Variants in RASGRF2 observed in about 807,000 individuals in gnomAD.
The protein encoded by RASGRF2 is Ras protein specific guanine nucleotide releasing factor 2.
A neutral mutation model predicts 151.0 loss-of-function variants in RASGRF2; 76 were observed. The observed-to-expected ratio is 0.50, with a 90% CI of 0.42 to 0.61. The LOEUF (loss-of-function observed/expected upper bound fraction) is 0.61. RASGRF2 is among the 20% of genes least tolerant of loss of function. The probability of loss-of-function intolerance (pLI) is 0.00; values close to 1 mark genes in which losing one functional copy is unlikely to be tolerated. For missense variants in RASGRF2, 1,148 were observed against 1,564.6 expected, an observed-to-expected ratio of 0.73 and a Z score of 4.49; for synonymous variants, 504 against 566.5, an observed-to-expected ratio of 0.89 and a Z score of 1.57.
At chr5:81,071,706 TA>T (rs917418255) in intron 4 of RASGRF2, among the ~76,000 whole-genome samples, 1 of 151,942 alleles carries the variant, frequency 6.6e-6, no homozygotes, top group Admixed American at 6.6e-5. Context: ...TTAGTTTTTT[TA>T]AAAAAAATCC....
intron 1 of RASGRF2, among the ~76,000 whole-genome samples, chr5:80,980,457 C>T (rs1213830000): frequency 7.2e-5 from 11 of 152,092 alleles, no homozygotes; most frequent in Non-Finnish European, 1.3e-4. Flanking sequence ...CTGGCCAACA[C>T]GGTGAAACCC....
intron 17 of RASGRF2, among the ~76,000 whole-genome samples, chr5:81,134,653 A>G (rs1753711134): frequency 6.6e-6 from 1 of 152,218 alleles, no homozygotes; most frequent in South Asian, 2.1e-4. Context: ...GTGAACTAGT[A>G]TAATGTCTGA....
intron 26 of RASGRF2, chr5:81,223,530 A>C (rs1384298312): frequency 6.6e-6 from 1 of 152,298 alleles, no homozygotes; most frequent in Non-Finnish European, 1.5e-5. Context: ...AGACCCAGCT[A>C]CTTGGGAGGC....
chr5:81,169,667 A>G lies in RASGRF2; in HGVS notation c.2687-10508A>G, dbSNP rs538443985. Among the ~76,000 whole-genome samples the G allele has an allele frequency of 2.0e-5, 3 of 152,340 alleles. No homozygotes were observed. In the East Asian group the frequency reaches 5.8e-4, roughly 29 times the overall value. ...ATAAAGTAACCTTCACAGGTTCTGCATGGATGTGGATTTGGGGAGAATACT... is the reference window on the plus strand; with the variant it reads ...ATAAAGTAACCTTCACAGGTTCTGCGTGGATGTGGATTTGGGGAGAATACT... On this transcript the variant is annotated intron_variant, in intron 17 of 26. Coordinates refer to ENST00000265080, the MANE Select transcript of RASGRF2 (RefSeq NM_006909.3).
intron 1 of RASGRF2, among the ~76,000 whole-genome samples, chr5:81,019,860 G>T (rs899227299): frequency 9.9e-5 from 15 of 152,270 alleles, no homozygotes; most frequent in African/African-American, 3.4e-4. Flanking sequence ...TGTTATAAAT[G>T]ATTCAAATGA....
chr5:81,148,988 T>C (rs1425814667), intron 17 of RASGRF2, among the ~76,000 whole-genome samples: 2 of 152,006 alleles, frequency 1.3e-5, no homozygotes, highest in Non-Finnish European at 2.9e-5. Flanking sequence ...TGGCCATAAT[T>C]TAAAAATTAA....
chr5:81,157,354 TA>T (rs559651337), intron 17 of RASGRF2, among the ~76,000 whole-genome samples: 4,260 of 108,130 alleles, frequency 0.039, 154 homozygotes, highest in African/African-American at 0.12. Context: ...AGAGTCTGTC[TA>T]AAAAAAAAAA....
At chr5:81,116,837 G>T (rs898430682) in intron 15 of RASGRF2, among the ~76,000 whole-genome samples, 8 of 152,090 alleles carry the variant, frequency 5.3e-5, no homozygotes, top group African/African-American at 1.4e-4. Flanking sequence ...TGTCCTCAAG[G>T]TTCAACCATA....
intron 17 of RASGRF2, among the ~76,000 whole-genome samples, chr5:81,137,670 C>T (rs1002585796): frequency 1.3e-5 from 2 of 152,190 alleles, no homozygotes; most frequent in Non-Finnish European, 2.9e-5. Flanking sequence ...GGCGTGACCA[C>T]GTGAAGACAC....
chr5:81,145,347 G>A (rs1753981504), intron 17 of RASGRF2, among the ~76,000 whole-genome samples: 1 of 152,102 alleles, frequency 6.6e-6, no homozygotes, highest in African/African-American at 2.4e-5. Flanking sequence ...TTGGGTTTCT[G>A]TAGTGCTGCC....
chr5:81,213,344 G>T (rs558326796), intron 23 of RASGRF2, among the ~76,000 whole-genome samples: 2 of 130,824 alleles, frequency 1.5e-5, no homozygotes, highest in East Asian at 3.9e-4. Flanking sequence ...TCTCAGGGGC[G>T]AGGGGGAAAG....
chr5:81,169,339 A>G (rs1469027799), intron 17 of RASGRF2, among the ~76,000 whole-genome samples: 1 of 152,086 alleles, frequency 6.6e-6, no homozygotes, highest in Non-Finnish European at 1.5e-5. Flanking sequence ...AAAAACAACG[A>G]TTTATTTTCT....
At chr5:80,978,997 A>C (rs1748216345) in intron 1 of RASGRF2, among the ~76,000 whole-genome samples, 1 of 152,196 alleles carries the variant, frequency 6.6e-6, no homozygotes, top group Non-Finnish European at 1.5e-5. Flanking sequence ...AGCCTGTTTT[A>C]ATATTGAAAA....
chr5:81,116,599 T>C (rs1368756491), intron 15 of RASGRF2, among the ~76,000 whole-genome samples: 2 of 152,202 alleles, frequency 1.3e-5, no homozygotes, highest in African/African-American at 2.4e-5. Flanking sequence ...TTTAAGTGTA[T>C]AGCTCAATAG....
Position 81,208,382 on chromosome 5 carries a change from C to G in RASGRF2, c.3100C>G (p.Leu1034Val). 1 of 1,613,922 alleles carries G rather than the reference C, an allele frequency of 6.2e-7. No individual in the cohort carries two copies. ...EEFLGQGWMK[L>V]DKNERTPYIM... ...GTTTCTTGGGCAGGGGTGGATGAAG[C>G]TGGATAAAAACGAAAGAACTCCTTA... The change falls in exon 22 of 27, where the codon CTG (leucine) becomes GTG (valine). Residue 1034 changes from leucine to valine, a missense_variant. Transcript: ENST00000265080.
chr5:81,148,903 T>C (rs116063300), intron 17 of RASGRF2, among the ~76,000 whole-genome samples: 13,401 of 152,002 alleles, frequency 0.088, 853 homozygotes, highest in African/African-American at 0.17. Context: ...CACTAATTAT[T>C]GGGGAAATGC....
At chr5:81,194,038 G>T (rs569303132) in intron 18 of RASGRF2, among the ~76,000 whole-genome samples, 1 of 152,204 alleles carries the variant, frequency 6.6e-6, no homozygotes, top group African/African-American at 2.4e-5. Context: ...ACGATTAAAT[G>T]AGATAATAAA....
In RASGRF2 at chr5:81,001,144, G is replaced by A. The variant is rs550547324; in HGVS notation, c.288+40118G>A. Among the ~76,000 whole-genome samples, 9 of 152,304 alleles carry A rather than the reference G, an allele frequency of 5.9e-5. No homozygotes were observed. In the South Asian group the frequency reaches 1.7e-3, roughly 28 times the overall value. On this transcript the variant is annotated intron_variant, in intron 1 of 26. Transcript: ENST00000265080. The stretch of plus-strand genomic sequence containing the variant: ...ATCCTACAGAGATTTGTTTTCTGTT[G>A]TTCTTTGTGTCTTCACTCCTGGGAA...
intron 17 of RASGRF2, among the ~76,000 whole-genome samples, chr5:81,168,358 T>A (rs556833810): frequency 6.9e-6 from 1 of 145,078 alleles, no homozygotes; most frequent in Admixed American, 7.3e-5. Context: ...TCGCCCAAGT[T>A]AGAGTGCAGT....
Sources: allele counts gnomAD v4.1 joint callset (sites outside exome capture counted in the v4.1 genomes callset), GRCh38; gene constraint gnomAD v4.1.1; transcripts MANE v1.5; gene names NCBI Gene and HGNC (gene_info 2026-07-23, HGNC 2026-07-21).